The following EXT1 variants were observed in gnomAD, a reference collection of about 807,000 sequenced individuals.
EXT1 encodes the protein exostosin-1.
EXT1 carries 20 observed loss-of-function variants against 82.5 expected under a neutral mutation model. The ratio of observed to expected loss-of-function variants is 0.24; its 90% CI spans 0.17 to 0.35. The LOEUF (loss-of-function observed/expected upper bound fraction) is 0.35. Ranked by LOEUF, EXT1 falls within the 10% of genes least tolerant of loss-of-function variation. EXT1 has a pLI of 1.00. For missense variants in EXT1, 757 were observed against 936.5 expected (o/e 0.81, Z 2.50); for synonymous variants, 348 against 350.8 (o/e 0.99, Z 0.09).
intron 1 of EXT1, among the ~76,000 whole-genome samples, chr8:117,898,104 C>A (rs1485620808): frequency 6.6e-6 from 1 of 152,092 alleles, no homozygotes; most frequent in East Asian, 1.9e-4. Context: ...TTTTCTTGAC[C>A]CCAAAGTGTA....
rs34963536 is a variant in EXT1 at position 117,897,591 on chromosome 8, C to CTTTTTT, written c.963-60396_963-60391dup. On this transcript the variant is annotated intron_variant, in intron 1 of 10. Transcript: ENST00000378204. The stretch of plus-strand genomic sequence containing the variant: ...TAGCCCATTGCCGGGCTTCTTTTCT[C>CTTTTTT]TTTTTTTTTTTTTTTTTTTTTGAGA... Among the ~76,000 whole-genome samples, 145 of 90,684 alleles carry CTTTTTT rather than the reference C, an allele frequency of 1.6e-3. 10 individuals are homozygous for CTTTTTT. The highest frequency in any genetic ancestry group is 5.5e-3 in the East Asian group (15 of 2,722). 59.5% of individuals were successfully genotyped at this position (90,684 alleles called of 152,430 possible).
chr8:117,872,824 GAAA>G (rs1171262675), intron 1 of EXT1, among the ~76,000 whole-genome samples: 2 of 87,426 alleles, frequency 2.3e-5, no homozygotes, highest in African/African-American at 4.0e-5. Context: ...CTGAAGCAGA[GAAA>G]AAAAAAAAAA....
intron 1 of EXT1, among the ~76,000 whole-genome samples, chr8:117,847,686 T>C (rs1812384947): frequency 6.6e-6 from 1 of 152,104 alleles, no homozygotes. Flanking sequence ...CTCGAACCAA[T>C]GTCTGACCAC....
Position 117,952,932 on chromosome 8 carries a change from T to C in EXT1, c.963-115731A>G, listed in dbSNP as rs34710152. Among the ~76,000 whole-genome samples the C allele has an allele frequency of 9.7e-3, 1,484 of 152,344 alleles. 12 individuals carry two copies. Among genetic ancestry groups the C allele is most frequent in the Middle Eastern group, 0.017 (5 of 294 alleles). On this transcript the variant is annotated intron_variant, in intron 1 of 10. Transcript: ENST00000378204. The stretch of plus-strand genomic sequence containing the variant: ...AATAAAGGTTATTCATCAATTGACA[T>C]ATTATAAGCCATATTTTGTAAATGA...
intron 1 of EXT1, among the ~76,000 whole-genome samples, chr8:117,932,805 T>C (rs1814086053): frequency 6.6e-6 from 1 of 152,000 alleles, no homozygotes; most frequent in African/African-American, 2.4e-5. Flanking sequence ...AAATGAAAAA[T>C]GTAAAGTAAA....
intron 1 of EXT1, among the ~76,000 whole-genome samples, chr8:118,012,393 T>C (rs1586342578): frequency 6.6e-6 from 1 of 152,316 alleles, no homozygotes; most frequent in African/African-American, 2.4e-5. Flanking sequence ...GGATTGACCC[T>C]TTTTGTCCGG....
intron 1 of EXT1, among the ~76,000 whole-genome samples, chr8:118,083,605 C>T (rs140153167): frequency 1.1e-4 from 17 of 152,252 alleles, no homozygotes; most frequent in Admixed American, 6.5e-4. Flanking sequence ...GCTCCTAAGA[C>T]GCCACACCCT....
intron 1 of EXT1, among the ~76,000 whole-genome samples, chr8:117,954,761 G>A (rs1009722977): frequency 6.6e-6 from 1 of 152,090 alleles, no homozygotes; most frequent in Non-Finnish European, 1.5e-5. Flanking sequence ...TTCTCTACTG[G>A]CAATGCTCTG....
At chr8:117,933,413 T>G (rs1347706666) in intron 1 of EXT1, among the ~76,000 whole-genome samples, 1 of 151,994 alleles carries the variant, frequency 6.6e-6, no homozygotes, top group African/African-American at 2.4e-5. Flanking sequence ...GCCCAGCTAA[T>G]TTTTGTATTT....
intron 1 of EXT1, among the ~76,000 whole-genome samples, chr8:118,067,082 C>T (rs771000678): frequency 1.6e-4 from 25 of 152,206 alleles, no homozygotes; most frequent in Admixed American, 2.6e-4. Flanking sequence ...GTTGAACAAT[C>T]CCCTCTCTCA....
intron 1 of EXT1, among the ~76,000 whole-genome samples, chr8:117,974,974 T>C (rs1286901273): frequency 2.0e-5 from 3 of 152,236 alleles, no homozygotes; most frequent in African/African-American, 7.2e-5. Flanking sequence ...AATTTTGACA[T>C]AAAATTTCTA....
intron 1 of EXT1, among the ~76,000 whole-genome samples, chr8:118,094,627 C>A (rs17477350): frequency 6.6e-6 from 1 of 152,204 alleles, no homozygotes; most frequent in Admixed American, 6.5e-5. Context: ...ATCCCTGTAA[C>A]AGCAACCCTA....
chr8:117,943,074 A>C (rs1300899744), intron 1 of EXT1, among the ~76,000 whole-genome samples: 1 of 152,256 alleles, frequency 6.6e-6, no homozygotes, highest in African/African-American at 2.4e-5. Context: ...TTTGAAATGG[A>C]TGTTTGTGAA....
At chr8:117,829,268 A>C (rs1342044681) in intron 4 of EXT1, among the ~76,000 whole-genome samples, 2 of 152,014 alleles carry the variant, frequency 1.3e-5, no homozygotes, top group Non-Finnish European at 2.9e-5. Context: ...GGTTTTAATC[A>C]TCTCCATGCT....
At chr8:117,922,124 A>C (rs1813868700) in intron 1 of EXT1, among the ~76,000 whole-genome samples, 1 of 152,128 alleles carries the variant, frequency 6.6e-6, no homozygotes, top group South Asian at 2.1e-4. Context: ...TTTTGCTTGA[A>C]AGGAAACCAG....
At chr8:117,942,642 T>C (rs10105797) in intron 1 of EXT1, among the ~76,000 whole-genome samples, 113,348 of 151,558 alleles carry the variant, frequency 0.75, 43,827 homozygotes, top group African/African-American at 0.94. Flanking sequence ...ACCTGGGAGG[T>C]GGAGGTTGCG....
chr8:117,859,895 C>T (rs1255099017), intron 1 of EXT1, among the ~76,000 whole-genome samples: 2 of 152,000 alleles, frequency 1.3e-5, no homozygotes, highest in African/African-American at 4.8e-5. Flanking sequence ...GCCTGTAATC[C>T]CAGCACTTTG....
At chr8:118,091,620 C>A (rs1299574626) in intron 1 of EXT1, among the ~76,000 whole-genome samples, 1 of 152,088 alleles carries the variant, frequency 6.6e-6, no homozygotes, top group African/African-American at 2.4e-5. Flanking sequence ...TGGCGGGCAC[C>A]TGTAGTCCCA....
chr8:117,976,113 T>A (rs1249583537), intron 1 of EXT1, among the ~76,000 whole-genome samples: 2 of 152,200 alleles, frequency 1.3e-5, no homozygotes, highest in Non-Finnish European at 2.9e-5. Context: ...AATGTACACA[T>A]GAGCTATTTA....
Sources: allele counts gnomAD v4.1 joint callset (sites outside exome capture counted in the v4.1 genomes callset), GRCh38; gene constraint gnomAD v4.1.1; transcripts MANE v1.5; gene names NCBI Gene and HGNC (gene_info 2026-07-23, HGNC 2026-07-21).